Variants in PCDH17 observed in about 807,000 individuals in gnomAD.
The protein encoded by PCDH17 is protocadherin-17.
In PCDH17, 21 loss-of-function variants were observed where a neutral mutation model predicts 67.7. The observed-to-expected ratio is 0.31, with a 90% CI of 0.22 to 0.45. The LOEUF (loss-of-function observed/expected upper bound fraction) is 0.45. Among genes scored for constraint, PCDH17 ranks in the 20% least tolerant of loss-of-function variants. The pLI is 1.00. For missense variants in PCDH17, 1,471 were observed against 1,564.8 expected (o/e 0.94, Z 1.01); for synonymous variants, 701 against 656.7 (o/e 1.07, Z -1.03).
At chr13:57,685,613 A>G (rs1955497627) in intron 3 of PCDH17, among the ~76,000 whole-genome samples, 1 of 152,044 alleles carries the variant, frequency 6.6e-6, no homozygotes, top group African/African-American at 2.4e-5. Context: ...TAAATAATGG[A>G]TGGGAGTTGA....
intron 3 of PCDH17, among the ~76,000 whole-genome samples, chr13:57,676,575 A>G (rs1470397757): frequency 6.6e-6 from 1 of 151,904 alleles, no homozygotes; most frequent in Non-Finnish European, 1.5e-5. Context: ...AAGTAAATTA[A>G]TGAGAAAGAA....
At chr13:57,698,006 A>T (rs1406636955) in intron 3 of PCDH17, among the ~76,000 whole-genome samples, 2 of 151,672 alleles carry the variant, frequency 1.3e-5, no homozygotes, top group African/African-American at 2.4e-5. Context: ...TAACCACATC[A>T]CAGCAGTGGG....
intron 1 of PCDH17, among the ~76,000 whole-genome samples, chr13:57,660,160 C>G (rs1176514725): frequency 6.6e-6 from 1 of 152,158 alleles, no homozygotes; most frequent in African/African-American, 2.4e-5. Flanking sequence ...GCAGGAAGAT[C>G]ATTTGAACCT....
chr13:57,719,085 C>A (rs897863099), intron 3 of PCDH17, among the ~76,000 whole-genome samples: 1 of 151,850 alleles, frequency 6.6e-6, no homozygotes, highest in African/African-American at 2.4e-5. Context: ...ATTTGGAAGA[C>A]AGCTAATTAG....
At chr13:57,668,326 T>C (rs552462771) in intron 3 of PCDH17, among the ~76,000 whole-genome samples, 22 of 152,198 alleles carry the variant, frequency 1.4e-4, no homozygotes, top group Admixed American at 9.8e-4. Flanking sequence ...GATTGATAGA[T>C]AATTGATTGG....
intron 1 of PCDH17, among the ~76,000 whole-genome samples, chr13:57,641,357 A>C (rs1328215072): frequency 6.6e-6 from 1 of 151,024 alleles, no homozygotes; most frequent in Admixed American, 6.6e-5. Flanking sequence ...AAGCAGAAGC[A>C]TGCTTTTATT....
Position 57,632,395 on chromosome 13 carries a change from G to C in PCDH17, c.-152G>C, listed in dbSNP as rs1954736798. The C allele has an allele frequency of 1.4e-6, 1 of 696,934 alleles. No individual in the cohort carries two copies. Among genetic ancestry groups the C allele is most frequent in the Admixed American group, 2.9e-5 (1 of 34,686 alleles). The allele number at this position is 696,934 out of a possible 1,614,324, so 43.2% of individuals were successfully genotyped here. A position where few individuals can be genotyped will look rare whatever the true frequency, so the allele number is the denominator to read the frequency against. ...TGAGCAGAATAAGGAGAGACCACCG[G>C]GTGCCGCAGCTCGGGTGCAGAGGGA... On this transcript the variant is annotated 5_prime_UTR_variant, in exon 1 of 4. Coordinates refer to ENST00000377918, the MANE Select transcript of PCDH17 (RefSeq NM_001040429.3).
intron 3 of PCDH17, among the ~76,000 whole-genome samples, chr13:57,682,418 G>A (rs1955459956): frequency 6.6e-6 from 1 of 151,652 alleles, no homozygotes; most frequent in Admixed American, 6.6e-5. Flanking sequence ...TAGCAAGAAA[G>A]TGATCTGCTT....
chr13:57,679,419 G>A (rs1240874628), intron 3 of PCDH17, among the ~76,000 whole-genome samples: 1 of 150,314 alleles, frequency 6.7e-6, no homozygotes, highest in Non-Finnish European at 1.5e-5. Flanking sequence ...AAGTAAATAT[G>A]ATAAATATTT....
In PCDH17 at chr13:57,729,193, G is replaced by A. The variant is rs1291617380; in HGVS notation, c.*3899G>A. 1.3e-5 allele frequency: 2 copies of A among 152,078 alleles called. No individual in the cohort carries two copies. Among genetic ancestry groups the A allele is most frequent in the African/African-American group, 4.8e-5 (2 of 41,440 alleles). 9.4% of individuals were successfully genotyped at this position (152,078 alleles called of 1,614,324 possible). A position where few individuals can be genotyped will look rare whatever the true frequency, so the allele number is the denominator to read the frequency against. On this transcript the variant is annotated 3_prime_UTR_variant, in exon 4 of 4. Transcript: ENST00000377918. The stretch of plus-strand genomic sequence containing the variant: ...GCTGCACCAAGTGATTGGTGAACAA[G>A]GACAACAACAAAAGCAGCATACATT...
intron 1 of PCDH17, among the ~76,000 whole-genome samples, chr13:57,656,891 G>A (rs891074330): frequency 2.6e-5 from 4 of 152,100 alleles, no homozygotes; most frequent in Non-Finnish European, 5.9e-5. Flanking sequence ...GGCACATCCA[G>A]TATTTAGTGG....
At chr13:57,677,381 T>C (rs1380024826) in intron 3 of PCDH17, among the ~76,000 whole-genome samples, 3 of 151,884 alleles carry the variant, frequency 2.0e-5, no homozygotes, top group Non-Finnish European at 4.4e-5. Flanking sequence ...ACTTATTCAA[T>C]GAAGATTTCA....
At chr13:57,717,087 C>A (rs1248577342) in intron 3 of PCDH17, among the ~76,000 whole-genome samples, 1 of 151,930 alleles carries the variant, frequency 6.6e-6, no homozygotes, top group Non-Finnish European at 1.5e-5. Flanking sequence ...TAATATTGAG[C>A]TTCAGCCAGT....
chr13:57,679,012 A>T (rs1955421993), intron 3 of PCDH17, among the ~76,000 whole-genome samples: 1 of 151,502 alleles, frequency 6.6e-6, no homozygotes. Context: ...ATAATCAAAC[A>T]CATTAACATT....
chr13:57,644,350 GA>G (rs1192218702), intron 1 of PCDH17, among the ~76,000 whole-genome samples: 2 of 151,602 alleles, frequency 1.3e-5, no homozygotes, highest in African/African-American at 4.8e-5. Flanking sequence ...TGAGTGGAGA[GA>G]AACTAGAAAA....
At chr13:57,631,191 A>G (rs1037506061), upstream of PCDH17, among the ~76,000 whole-genome samples, 1 of 152,148 alleles carries the variant, frequency 6.6e-6, no homozygotes, top group South Asian at 2.1e-4. Flanking sequence ...CATCACTTTT[A>G]TTCCTCGCCA....
At chr13:57,723,911 T>C (rs1955891568) in intron 3 of PCDH17, among the ~76,000 whole-genome samples, 2 of 152,210 alleles carry the variant, frequency 1.3e-5, no homozygotes, top group Admixed American at 1.3e-4. Context: ...TTCTGACCTG[T>C]ATCTGTTGAG....
intron 1 of PCDH17, among the ~76,000 whole-genome samples, chr13:57,663,463 A>C (rs1203694811): frequency 6.6e-6 from 1 of 152,156 alleles, no homozygotes; most frequent in East Asian, 1.9e-4. Flanking sequence ...TTCTAATTAA[A>C]TGGTGCTGTC....
chr13:57,695,462 G>T, intron 3 of PCDH17, among the ~76,000 whole-genome samples: 1 of 150,930 alleles, frequency 6.6e-6, no homozygotes, highest in East Asian at 1.9e-4. Flanking sequence ...GGAAGGCAGG[G>T]AAGAAGAAAG....
Sources: gnomAD v4.1 joint callset for allele counts (sites outside exome capture counted in the v4.1 genomes callset) on GRCh38, gnomAD v4.1.1 for gene constraint, MANE v1.5 for transcripts, NCBI Gene and HGNC (gene_info 2026-07-23, HGNC 2026-07-21) for gene names.